Variants in MBP observed in about 807,000 individuals in gnomAD.
MBP encodes myelin basic protein.
Under a neutral mutation model 35.8 loss-of-function variants are expected in MBP, and 16 were observed. The ratio of observed to expected loss-of-function variants is 0.45; its 90% CI spans 0.30 to 0.68. The LOEUF is 0.68. MBP is among the 30% of genes least tolerant of loss of function. The probability of loss-of-function intolerance (pLI) is 0.08; values close to 1 mark genes in which losing one functional copy is unlikely to be tolerated. For missense variants in MBP, 380 were observed against 404.7 expected, an observed-to-expected ratio of 0.94 and a Z score of 0.52; for synonymous variants, 143 against 159.6, an observed-to-expected ratio of 0.90 and a Z score of 0.78.
At chr18:77,016,363 G>A (rs575485767) in intron 4 of MBP, 26 of 989,670 alleles carry the variant, frequency 2.6e-5, no homozygotes, top group Non-Finnish European at 3.0e-5. Context: ...AGTCTTCCTC[G>A]ACCTCAATCC....
intron 2 of MBP, among the ~76,000 whole-genome samples, chr18:77,082,942 A>T (rs7234903): frequency 0.59 from 88,918 of 151,784 alleles, 26,669 homozygotes; most frequent in East Asian, 0.66. Context: ...TCTTTAACTA[A>T]TTGCTAGTCT....
intron 3 of MBP, among the ~76,000 whole-genome samples, chr18:77,050,474 A>G (rs1045097533): frequency 2.6e-5 from 4 of 152,234 alleles, no homozygotes; most frequent in African/African-American, 9.6e-5. Flanking sequence ...AGCTGTTTAC[A>G]AGGGCAGTTC....
chr18:77,001,375 T>C (rs985659431), intron 4 of MBP, among the ~76,000 whole-genome samples: 9 of 152,214 alleles, frequency 5.9e-5, no homozygotes, highest in Non-Finnish European at 1.2e-4. Flanking sequence ...CAGCGTAGCC[T>C]GACAGTCTCC....
intron 1 of MBP, chr18:77,108,673 G>T (rs1976354881): frequency 6.6e-6 from 1 of 152,230 alleles, no homozygotes; most frequent in South Asian, 2.1e-4. Flanking sequence ...GTCCACTGTT[G>T]TTGACTGTTA....
rs1386400140 is a variant in MBP, at chr18:76,979,239, A to C, written c.*1188T>G. The C allele has an allele frequency of 6.6e-6, 1 of 152,008 alleles. No homozygotes were observed. The highest frequency in any genetic ancestry group is 1.5e-5 in the Non-Finnish European group (1 of 68,034). The allele number at this position is 152,008 out of a possible 1,614,324, so 9.4% of individuals were successfully genotyped here. A position where few individuals can be genotyped will look rare whatever the true frequency, so the allele number is the denominator to read the frequency against. The stretch of plus-strand genomic sequence containing the variant: ...AGGTGGGTCAGTAGGTTAGGGAGGG[A>C]GGCGCGAAAGGAGATGCCAGCGGGT... On this transcript the variant is annotated 3_prime_UTR_variant, in exon 9 of 9. Transcript: ENST00000355994.
chr18:77,048,491 T>G (rs1973346586), intron 3 of MBP, among the ~76,000 whole-genome samples: 1 of 152,208 alleles, frequency 6.6e-6, no homozygotes, highest in African/African-American at 2.4e-5. Flanking sequence ...CTTTTTGAGA[T>G]GGAGTCTCGC....
intron 3 of MBP, among the ~76,000 whole-genome samples, chr18:77,037,295 C>T (rs1287576715): frequency 1.5e-4 from 16 of 106,762 alleles, no homozygotes; most frequent in South Asian, 9.5e-4. Flanking sequence ...GGTCACGTTT[C>T]GGAGGACTGA....
chr18:77,094,372 G>A (rs955932748), intron 2 of MBP, among the ~76,000 whole-genome samples: 1 of 152,238 alleles, frequency 6.6e-6, no homozygotes, highest in Non-Finnish European at 1.5e-5. Flanking sequence ...AGTCAGCAGG[G>A]TGGGCTTTGG....
intron 2 of MBP, 30 bp from the exon 3 acceptor site, chr18:77,066,415 T>C (rs765726367): frequency 9.6e-6 from 13 of 1,357,620 alleles, no homozygotes; most frequent in Non-Finnish European, 1.4e-5. Flanking sequence ...CAAACCCTTT[T>C]CTTAAGATAA....
rs544099057 is a variant in MBP, at chr18:77,105,502, C to A, written c.-25-216G>T. Among the ~76,000 whole-genome samples the A allele has an allele frequency of 7.9e-5, 12 of 152,340 alleles. No individual in the cohort carries two copies. In the East Asian group the frequency reaches 2.1e-3, roughly 27 times the overall value. ...CAAAGAGCTAGAAAACAGAACCGCA[C>A]CAACATCCAAATTCTGTTCAGTAAC... On this transcript the variant is annotated intron_variant, in intron 1 of 8. Transcript: ENST00000355994.
In MBP at chr18:76,988,610, C is replaced by A; in HGVS notation, c.718-83G>T. On this transcript the variant is annotated intron_variant, in intron 6 of 8. Transcript: ENST00000355994. The surrounding 1 kb of genome is among the most constrained non-coding windows in gnomAD (Gnocchi z 5.2). ...CAATCAACAGGAAACACAGTCAAAG[C>A]ACAGTGGAGCTGAGGTGGTAAAAAC... The A allele has an allele frequency of 6.4e-7, 1 of 1,552,968 alleles. No homozygotes were observed. The highest frequency in any genetic ancestry group is 8.7e-7 in the Non-Finnish European group (1 of 1,152,140).
chr18:77,058,516 T>A (rs903220281), intron 3 of MBP, among the ~76,000 whole-genome samples: 1 of 152,160 alleles, frequency 6.6e-6, no homozygotes, highest in African/African-American at 2.4e-5. Flanking sequence ...CACCGGCTGA[T>A]GCGACGCCCA....
Position 77,026,441 on chromosome 18 carries a change from G to A in MBP, c.140-9173C>T, listed in dbSNP as rs181439829. On this transcript the variant is annotated intron_variant, in intron 3 of 8. Transcript: ENST00000355994. The stretch of plus-strand genomic sequence containing the variant: ...ATAACGCAGAAATCACCTTCTCCAC[G>A]AAGGCAATCACACTACCCAATTTAA... 4.6e-5 allele frequency among the ~76,000 whole-genome samples: 7 copies of A among 151,774 alleles called. No homozygotes were observed. In the East Asian group the frequency reaches 1.2e-3, roughly 25 times the overall value.
chr18:77,096,890 G>T (rs1975778054), intron 2 of MBP, among the ~76,000 whole-genome samples: 1 of 152,220 alleles, frequency 6.6e-6, no homozygotes, highest in Non-Finnish European at 1.5e-5. Flanking sequence ...ATGAGAAAAA[G>T]AAATAATAAG....
At chr18:77,085,682 A>AATT (rs1975196986) in intron 2 of MBP, among the ~76,000 whole-genome samples, 1 of 108,150 alleles carries the variant, frequency 9.2e-6, no homozygotes, top group Non-Finnish European at 2.0e-5. Context: ...CAGTGCAATA[A>AATT]GTTTTTTTTT....
chr18:77,024,408 C>T (rs1477509440), intron 3 of MBP, among the ~76,000 whole-genome samples: 1 of 152,234 alleles, frequency 6.6e-6, no homozygotes, highest in East Asian at 1.9e-4. Context: ...AAATTTCACT[C>T]TTTCTGGTTC....
intron 2 of MBP, among the ~76,000 whole-genome samples, chr18:77,083,849 G>A (rs1394713508): frequency 1.3e-5 from 2 of 152,190 alleles, no homozygotes; most frequent in Non-Finnish European, 2.9e-5. Flanking sequence ...CTGTAGGAGG[G>A]ATGGGAGGGA....
At chr18:77,014,479 C>T (rs1971517854) in intron 4 of MBP, 1 of 985,370 alleles carries the variant, frequency 1.0e-6, no homozygotes, top group Non-Finnish European at 1.2e-6. Context: ...CCGGGCCTTC[C>T]ACTGCTCGTT....
intron 3 of MBP, among the ~76,000 whole-genome samples, chr18:77,050,608 G>A (rs901269509): frequency 1.1e-4 from 16 of 152,240 alleles, no homozygotes; most frequent in African/African-American, 3.6e-4. Flanking sequence ...GTGCAATGGC[G>A]TGATCTCGGC....
Sources: gnomAD v4.1 joint callset for allele counts (sites outside exome capture counted in the v4.1 genomes callset) on GRCh38, gnomAD v4.1.1 for gene constraint, Gnocchi (gnomAD v3.1) non-coding constraint, MANE v1.5 for transcripts, NCBI Gene and HGNC (gene_info 2026-07-23, HGNC 2026-07-21) for gene names.